The following VAV3 variants were observed in gnomAD, a reference collection of about 807,000 sequenced individuals.
VAV3 encodes guanine nucleotide exchange factor VAV3.
Under a neutral mutation model 131.2 loss-of-function variants are expected in VAV3, and 94 were observed. The ratio of observed to expected loss-of-function variants is 0.72; its 90% CI spans 0.61 to 0.85. The LOEUF is 0.85. VAV3 is among the 40% of genes least tolerant of loss of function. The probability of loss-of-function intolerance (pLI) is 0.00; values close to 1 mark genes in which losing one functional copy is unlikely to be tolerated. For missense variants in VAV3, 939 were observed against 1,002.7 expected, an observed-to-expected ratio of 0.94 and a Z score of 0.86; for synonymous variants, 349 against 342.0, an observed-to-expected ratio of 1.02 and a Z score of -0.22.
At chr1:107,903,846 T>C (rs769023167) in intron 1 of VAV3, among the ~76,000 whole-genome samples, 17 of 152,210 alleles carry the variant, frequency 1.1e-4, no homozygotes, top group Non-Finnish European at 2.1e-4. Flanking sequence ...CCCACACTTA[T>C]GGCCTTGAAG....
At position 107,874,290 on chromosome 1, in the gene VAV3, C is replaced by G. The variant is rs371161900; in HGVS notation, c.321+611G>C. Among the ~76,000 whole-genome samples the G allele has an allele frequency of 5.9e-5, 9 of 152,184 alleles. No individual in the cohort carries two copies. In the South Asian group the frequency reaches 1.9e-3, roughly 32 times the overall value. Reference sequence around the variant, plus strand: ...ATTATACATGTGTTTAGTGTGCATACGGATAACAGTAAATATTAAAACAAT... The same window carrying G: ...ATTATACATGTGTTTAGTGTGCATAGGGATAACAGTAAATATTAAAACAAT... On this transcript the variant is annotated intron_variant, in intron 2 of 26. Coordinates refer to ENST00000370056, the MANE Select transcript of VAV3 (RefSeq NM_006113.5).
chr1:107,857,783 A>G (rs1039943965), intron 2 of VAV3, among the ~76,000 whole-genome samples: 1 of 150,650 alleles, frequency 6.6e-6, no homozygotes, highest in African/African-American at 2.4e-5. Flanking sequence ...AACTTTACCA[A>G]AAGACTTTGC....
At chr1:107,667,867 C>T (rs1021027984) in intron 19 of VAV3, among the ~76,000 whole-genome samples, 5 of 152,120 alleles carry the variant, frequency 3.3e-5, no homozygotes, top group Non-Finnish European at 7.4e-5. Context: ...GTGGAATGAG[C>T]TTCCTTCCTT....
At chr1:107,690,977 G>C (rs1659388587) in intron 17 of VAV3, among the ~76,000 whole-genome samples, 1 of 152,130 alleles carries the variant, frequency 6.6e-6, no homozygotes, top group East Asian at 1.9e-4. Flanking sequence ...TTCATGGTAG[G>C]ATTCTGTAAA....
intron 2 of VAV3, among the ~76,000 whole-genome samples, chr1:107,841,966 C>A (rs1668733043): frequency 6.6e-6 from 1 of 152,114 alleles, no homozygotes; most frequent in South Asian, 2.1e-4. Context: ...TTTAAAATTA[C>A]ATGGCTTGCA....
chr1:107,871,985 T>C (rs1388537696), intron 2 of VAV3, among the ~76,000 whole-genome samples: 1 of 152,214 alleles, frequency 6.6e-6, no homozygotes, highest in Non-Finnish European at 1.5e-5. Flanking sequence ...AAAGTATAAG[T>C]AGATGCCAAG....
intron 8 of VAV3, among the ~76,000 whole-genome samples, chr1:107,765,644 A>G (rs1469764351): frequency 2.6e-5 from 4 of 152,196 alleles, no homozygotes; most frequent in East Asian, 1.9e-4. Flanking sequence ...AGGAACATAA[A>G]TCATCTGAAG....
chr1:107,606,319 T>G (rs1652264254), intron 22 of VAV3, among the ~76,000 whole-genome samples: 2 of 152,206 alleles, frequency 1.3e-5, no homozygotes, highest in Non-Finnish European at 2.9e-5. Flanking sequence ...TCAATACCAT[T>G]TCTAATTCTT....
intron 22 of VAV3, among the ~76,000 whole-genome samples, chr1:107,607,867 C>A (rs936394322): frequency 2.0e-5 from 3 of 152,154 alleles, no homozygotes; most frequent in Non-Finnish European, 2.9e-5. Context: ...GTTGGTGATA[C>A]TTAACTTCTC....
chr1:107,599,070 G>GTGA (rs1235069245), intron 24 of VAV3, among the ~76,000 whole-genome samples: 1 of 152,032 alleles, frequency 6.6e-6, no homozygotes, highest in African/African-American at 2.4e-5. Flanking sequence ...AAATGATTTG[G>GTGA]TGATTATTTA....
intron 20 of VAV3, among the ~76,000 whole-genome samples, chr1:107,636,063 T>C (rs1344906075): frequency 1.3e-5 from 2 of 152,224 alleles, no homozygotes; most frequent in South Asian, 2.1e-4. Flanking sequence ...ACATTAGTTG[T>C]TGGTGCTATT....
At chr1:107,624,943 A>G (rs1653899585) in intron 20 of VAV3, among the ~76,000 whole-genome samples, 1 of 152,110 alleles carries the variant, frequency 6.6e-6, no homozygotes, top group Non-Finnish European at 1.5e-5. Flanking sequence ...GATTTTTGTG[A>G]TATTTTTGAT....
chr1:107,953,563 T>G (rs1332339826), intron 1 of VAV3, among the ~76,000 whole-genome samples: 2 of 152,306 alleles, frequency 1.3e-5, no homozygotes, highest in East Asian at 3.9e-4. Context: ...TTTAGTATAT[T>G]ATTGCACATG....
chr1:107,889,079 T>C (rs1420026488), intron 1 of VAV3, among the ~76,000 whole-genome samples: 1 of 151,400 alleles, frequency 6.6e-6, no homozygotes, highest in African/African-American at 2.4e-5. Flanking sequence ...CAATTCTTGA[T>C]GGCAGAGCCA....
intron 22 of VAV3, among the ~76,000 whole-genome samples, chr1:107,604,346 A>G (rs893944122): frequency 6.6e-6 from 1 of 152,218 alleles, no homozygotes; most frequent in African/African-American, 2.4e-5. Flanking sequence ...GTTTCCATCT[A>G]GTATAAAAGA....
chr1:107,860,482 G>A (rs1433949084), intron 2 of VAV3, among the ~76,000 whole-genome samples: 2 of 151,412 alleles, frequency 1.3e-5, no homozygotes, highest in Non-Finnish European at 3.0e-5. Flanking sequence ...ACTCATTTCT[G>A]TATTAACCTA....
In VAV3 at chr1:107,770,904, G is replaced by C. The variant is rs555137988; in HGVS notation, c.556-176C>G. Among the ~76,000 whole-genome samples the C allele has an allele frequency of 1.1e-4, 16 of 152,124 alleles. 1 individual carries two copies. In the South Asian group the frequency reaches 3.3e-3, roughly 32 times the overall value. On this transcript the variant is annotated intron_variant, in intron 5 of 26. Transcript: ENST00000370056. ...TCTTTGCTGTTTTTATAAAAATCGT[G>C]AACAATGTAATGACAAAGATTTAGA...
chr1:107,929,287 C>CAAA (rs372843076), intron 1 of VAV3, among the ~76,000 whole-genome samples: 3,277 of 92,326 alleles, frequency 0.035, 124 homozygotes, highest in African/African-American at 0.075. Context: ...CACTCTGTCT[C>CAAA]AAAAAAAAAA....
intron 7 of VAV3, among the ~76,000 whole-genome samples, chr1:107,767,898 G>A (rs758791461): frequency 3.3e-5 from 5 of 152,122 alleles, no homozygotes; most frequent in Admixed American, 1.3e-4. Context: ...AAATGTAAAC[G>A]AAAAATATCT....
Sources: allele counts gnomAD v4.1 joint callset (sites outside exome capture counted in the v4.1 genomes callset), GRCh38; gene constraint gnomAD v4.1.1; transcripts MANE v1.5; gene names NCBI Gene and HGNC (gene_info 2026-07-23, HGNC 2026-07-21).